PTK2: variants seen among roughly 807,000 people sequenced by gnomAD.
PTK2 encodes focal adhesion kinase 1.
Under a neutral mutation model 150.1 loss-of-function variants are expected in PTK2, and 45 were observed. That is an observed-to-expected ratio of 0.30 (90% CI 0.24 to 0.38). The LOEUF is 0.38. Among genes scored for constraint, PTK2 ranks in the 10% least tolerant of loss-of-function variants. The probability of loss-of-function intolerance (pLI) is 1.00; values close to 1 mark genes in which losing one functional copy is unlikely to be tolerated. For missense variants in PTK2, 919 were observed against 1,307.3 expected (o/e 0.70, Z 4.58); for synonymous variants, 432 against 449.2 (o/e 0.96, Z 0.48).
chr8:140,726,721 C>G (rs544054078), intron 22 of PTK2, among the ~76,000 whole-genome samples: 1 of 152,268 alleles, frequency 6.6e-6, no homozygotes, highest in East Asian at 1.9e-4. Flanking sequence ...ACCAACTGAT[C>G]TGCACCACAA....
intron 1 of PTK2, among the ~76,000 whole-genome samples, chr8:140,941,850 C>G (rs959214033): frequency 5.9e-5 from 9 of 151,390 alleles, no homozygotes; most frequent in Admixed American, 2.0e-4. Context: ...GGACTACAGG[C>G]ACGCACCACC....
chr8:140,813,812 G>C (rs141268031), intron 10 of PTK2, among the ~76,000 whole-genome samples: 77 of 131,742 alleles, frequency 5.8e-4, no homozygotes, highest in Non-Finnish European at 1.0e-3. Context: ...AAACCAGGAT[G>C]AATTGAAGGA....
intron 14 of PTK2, chr8:140,770,738 A>C (rs751606738): frequency 5.9e-6 from 8 of 1,352,958 alleles, no homozygotes; most frequent in Non-Finnish European, 5.9e-6. Flanking sequence ...GATCATGGGA[A>C]CAGAAGACCA....
chr8:140,726,432 G>A (rs1367498723), intron 22 of PTK2, among the ~76,000 whole-genome samples: 2 of 152,116 alleles, frequency 1.3e-5, no homozygotes, highest in African/African-American at 2.4e-5. Flanking sequence ...AAACACAACT[G>A]ACATTAAGAA....
At chr8:140,828,788 A>G (rs2100113495) in intron 8 of PTK2, among the ~76,000 whole-genome samples, 2 of 152,154 alleles carry the variant, frequency 1.3e-5, no homozygotes, top group Non-Finnish European at 2.9e-5. Flanking sequence ...CACACCAAAA[A>G]CATTCCAGGT....
Position 140,749,790 on chromosome 8 carries a change from A to G in PTK2, c.1417+2442T>C, listed in dbSNP as rs181540197. Among the ~76,000 whole-genome samples, 6 of 152,322 alleles carry G rather than the reference A, an allele frequency of 3.9e-5. No homozygotes were observed. The East Asian group carries it at 1.2e-3, about 29-fold the overall frequency. On this transcript the variant is annotated intron_variant, in intron 17 of 31. Transcript: ENST00000522684. Reference sequence around the variant, plus strand: ...CCCTACAGAAGTTTAGATACACTACATCTATCACATTTCCCTGAAATAACT... The same window carrying G: ...CCCTACAGAAGTTTAGATACACTACGTCTATCACATTTCCCTGAAATAACT...
chr8:140,674,052 C>G (rs2100012159), intron 29 of PTK2: 2 of 636,424 alleles, frequency 3.1e-6, no homozygotes, highest in Admixed American at 1.9e-5. Flanking sequence ...CAGAATCTGA[C>G]TGAATTCCTA....
chr8:140,879,417 TAAAAAGC>T lies in PTK2; in HGVS notation c.362+47_362+53del, dbSNP rs767032444. On this transcript the variant is annotated intron_variant, in intron 4 of 31. Transcript: ENST00000522684. ...ACATTTGTTATCTTGTGCATGTTTT[TAAAAAGC>T]AAAAGAAATCAAGTGTGCATCACAC... The T allele has an allele frequency of 6.0e-6, 9 of 1,502,146 alleles. 1 individual carries two copies. In the South Asian group the frequency reaches 1.2e-4, roughly 20 times the overall value. The allele number at this position is 1,502,146 out of a possible 1,614,324, so 93.1% of individuals were successfully genotyped here. A position where few individuals can be genotyped will look rare whatever the true frequency, so the allele number is the denominator to read the frequency against.
chr8:140,697,416 T>TTGTGTGTGTGTGTGTGTGTGTGTGTGTG (rs34459077), intron 26 of PTK2, among the ~76,000 whole-genome samples: 20 of 145,814 alleles, frequency 1.4e-4, no homozygotes, highest in African/African-American at 4.8e-4. Context: ...AGAATACGGT[T>TTGTGTGTGTGTGTGTGTGTGTGTGTGTG]TGTGTGTGTG....
intron 1 of PTK2, among the ~76,000 whole-genome samples, chr8:140,996,719 T>C (rs1349587602): frequency 1.3e-5 from 2 of 152,258 alleles, no homozygotes; most frequent in African/African-American, 2.4e-5. Flanking sequence ...TTAAGCCCAC[T>C]GTTGAGATCT....
intron 15 of PTK2, among the ~76,000 whole-genome samples, chr8:140,762,118 A>T (rs2100069735): frequency 6.6e-6 from 1 of 152,162 alleles, no homozygotes; most frequent in African/African-American, 2.4e-5. Context: ...AAATACACCA[A>T]GAGCCAAATA....
At chr8:140,710,659 A>G (rs1486389963) in intron 23 of PTK2, among the ~76,000 whole-genome samples, 1 of 152,206 alleles carries the variant, frequency 6.6e-6, no homozygotes, top group Non-Finnish European at 1.5e-5. Context: ...CAACAGAGTG[A>G]GACTCTGTCT....
intron 30 of PTK2, 83 bp downstream of exon 34, chr8:140,668,186 A>T (rs1425546988): frequency 6.6e-7 from 1 of 1,509,632 alleles, no homozygotes; most frequent in Non-Finnish European, 9.1e-7. Flanking sequence ...GGGCGGGGGG[A>T]CCTAGAGACA....
At chr8:140,748,899 T>C (rs1402210812) in intron 17 of PTK2, among the ~76,000 whole-genome samples, 2 of 152,192 alleles carry the variant, frequency 1.3e-5, no homozygotes, top group Non-Finnish European at 2.9e-5. Flanking sequence ...ACACCTGATT[T>C]CACAGACTAT....
intron 1 of PTK2, among the ~76,000 whole-genome samples, chr8:140,986,556 T>A (rs895717147): frequency 1.3e-5 from 2 of 152,208 alleles, no homozygotes; most frequent in African/African-American, 4.8e-5. Context: ...GTCTCAACTT[T>A]CATTTTTAAG....
chr8:140,730,451 T>C (rs2100048525), intron 22 of PTK2, among the ~76,000 whole-genome samples: 1 of 152,198 alleles, frequency 6.6e-6, no homozygotes, highest in South Asian at 2.1e-4. Context: ...TTACATCATG[T>C]TCAAAAACAG....
intron 2 of PTK2, among the ~76,000 whole-genome samples, chr8:140,917,985 C>T (rs2100165968): frequency 6.6e-6 from 1 of 152,176 alleles, no homozygotes; most frequent in African/African-American, 2.4e-5. Context: ...TTTCTGTGCA[C>T]ACTAGTCATT....
intron 14 of PTK2, among the ~76,000 whole-genome samples, chr8:140,775,514 C>T (rs1469199683): frequency 1.3e-5 from 2 of 151,746 alleles, no homozygotes; most frequent in South Asian, 2.1e-4. Flanking sequence ...AAGTGGGGTC[C>T]TTGATTTTTT....
chr8:140,962,772 C>A lies in PTK2; in HGVS notation c.-121-37023G>T, dbSNP rs537500607. 5.9e-5 allele frequency among the ~76,000 whole-genome samples: 9 copies of A among 151,326 alleles called. No individual in the cohort carries two copies. In the East Asian group the frequency reaches 1.6e-3, roughly 26 times the overall value. On this transcript the variant is annotated intron_variant, in intron 1 of 31. Transcript: ENST00000522684. ...CCCCAGCCTGGGTGACAGAGCGAGA[C>A]TCCCTCAAAAAAAAAAACCACAGAA...
Sources: gnomAD v4.1 joint callset for allele counts (sites outside exome capture counted in the v4.1 genomes callset) on GRCh38, gnomAD v4.1.1 for gene constraint, MANE v1.5 for transcripts, NCBI Gene and HGNC (gene_info 2026-07-23, HGNC 2026-07-21) for gene names.